Variants in MARK2 observed in about 807,000 individuals in gnomAD.
MARK2 encodes the protein microtubule affinity regulating kinase 2.
A neutral mutation model predicts 89.8 loss-of-function variants in MARK2; 16 were observed. The observed-to-expected ratio is 0.18, with a 90% CI of 0.12 to 0.27. The LOEUF is 0.27. Ranked by LOEUF, MARK2 falls within the 10% of genes least tolerant of loss-of-function variation. MARK2 has a pLI of 1.00. For synonymous variants in MARK2, 382 were observed against 399.5 expected, an observed-to-expected ratio of 0.96 and a Z score of 0.52; for missense variants, 621 against 1,049.9, an observed-to-expected ratio of 0.59 and a Z score of 5.65.
intron 1 of MARK2, among the ~76,000 whole-genome samples, chr11:63,846,745 T>A (rs1379130484): frequency 8.6e-5 from 13 of 150,644 alleles, no homozygotes; most frequent in African/African-American, 3.2e-4. Context: ...AAGGTCCGCC[T>A]CCCGGATTCA....
intron 1 of MARK2, among the ~76,000 whole-genome samples, chr11:63,857,131 C>T (rs1313058204): frequency 2.0e-5 from 3 of 150,456 alleles, no homozygotes; most frequent in East Asian, 2.0e-4. Context: ...AGTTTTTATA[C>T]TCATTTCCTT....
intron 1 of MARK2, among the ~76,000 whole-genome samples, chr11:63,886,656 T>G (rs192401667): frequency 2.6e-5 from 4 of 152,250 alleles, no homozygotes; most frequent in African/African-American, 9.6e-5. Context: ...ACTCCTGACC[T>G]CAAGTGATCC....
Position 63,890,288 on chromosome 11 carries a change from G to C in MARK2, c.55-4871G>C, listed in dbSNP as rs71454584. ...AACATCTTACAGCATAGAAGAAGGG[G>C]TGCAGGGGTAAGTAAGGGAAGGATT... On this transcript the variant is annotated intron_variant, in intron 1 of 18. Transcript: ENST00000402010. The C allele has an allele frequency of 5.9e-4, 791 of 1,344,784 alleles. 2 individuals carry two copies. Among genetic ancestry groups the C allele is most frequent in the Non-Finnish European group, 7.4e-4 (749 of 1,018,656 alleles). 83.3% of individuals were successfully genotyped at this position (1,344,784 alleles called of 1,614,324 possible).
chr11:63,864,789 T>A (rs1447569395), intron 1 of MARK2, among the ~76,000 whole-genome samples: 2 of 148,604 alleles, frequency 1.3e-5, no homozygotes, highest in African/African-American at 4.9e-5. Context: ...GGTGAGAGGA[T>A]CACTTGAGCC....
intron 1 of MARK2, among the ~76,000 whole-genome samples, chr11:63,886,992 C>T (rs1015161502): frequency 1.3e-5 from 2 of 152,206 alleles, no homozygotes; most frequent in African/African-American, 4.8e-5. Context: ...TCCAGTGGGC[C>T]CACTGAAGTC....
At chr11:63,854,552 A>T (rs1450515669) in intron 1 of MARK2, among the ~76,000 whole-genome samples, 1 of 151,706 alleles carries the variant, frequency 6.6e-6, no homozygotes, top group South Asian at 2.1e-4. Context: ...AGGTCTCTTT[A>T]GGCCAGGCAT....
In MARK2 at chr11:63,904,804, C is replaced by G; in HGVS notation, c.1695C>G (p.Val565=). 6.2e-7 allele frequency: 1 copy of G among 1,614,122 alleles called. No homozygotes were observed. The highest frequency in any genetic ancestry group is 8.5e-7 in the Non-Finnish European group (1 of 1,179,984). Residue 565 remains valine (V), a synonymous_variant, in exon 16 of 19, where the codon GTC becomes GTG. Transcript: ENST00000402010. The surrounding 1 kb of genome is among the most constrained non-coding windows in gnomAD (Gnocchi z 6.3). Reference sequence around the variant, plus strand: ...CCCACAGCACAGCCCCCCAGCGTGTCCCTGTTGCCTCCCCATCCGCCCACA... The same window carrying G: ...CCCACAGCACAGCCCCCCAGCGTGTGCCTGTTGCCTCCCCATCCGCCCACA... ...VPRPSTAPQR[V]PVASPSAHNI...
At chr11:63,880,955 T>G (rs1305297747) in intron 1 of MARK2, among the ~76,000 whole-genome samples, 1 of 152,182 alleles carries the variant, frequency 6.6e-6, no homozygotes, top group African/African-American at 2.4e-5. Flanking sequence ...TTGTGCACAT[T>G]TATTAATTCA....
In MARK2 at chr11:63,902,841, C is replaced by T. The variant is rs1304155874; in HGVS notation, c.1416+59C>T. ...TGCGGTGGGGCCTGCCCTCTCCAGG[C>T]AGCTCTTCTCTTAATTCAGACTCTG... On this transcript the variant is annotated intron_variant, in intron 13 of 18. Coordinates refer to ENST00000402010, the MANE Select transcript of MARK2 (RefSeq NM_001039469.3). The surrounding 1 kb of genome is among the most constrained non-coding windows in gnomAD (Gnocchi z 4.2). 2 of 1,389,936 alleles carry T rather than the reference C, an allele frequency of 1.4e-6. No individual in the cohort carries two copies. The highest frequency in any genetic ancestry group is 2.0e-6 in the Non-Finnish European group (2 of 989,954). The allele number at this position is 1,389,936 out of a possible 1,614,324, so 86.1% of individuals were successfully genotyped here. A position where few individuals can be genotyped will look rare whatever the true frequency, so the allele number is the denominator to read the frequency against.
In MARK2 at chr11:63,900,536, T is replaced by C. The variant is rs1212744766; in HGVS notation, c.769-23T>C. On this transcript the variant is annotated intron_variant, in intron 8 of 18. Transcript: ENST00000402010. This position sits in a 1 kb window ranked among gnomAD's most constrained non-coding sequence, Gnocchi z 4.7. ...TTTGGCCTTGGGGTGATTTCAATTT[T>C]CTAACCCTGGATCCTCCTGCAGGAG... 6.2e-7 allele frequency: 1 copy of C among 1,612,136 alleles called. No homozygotes were observed. The highest frequency in any genetic ancestry group is 1.1e-5 in the South Asian group (1 of 90,920).
In MARK2 at chr11:63,859,929, C is replaced by G. The variant is rs1478161735; in HGVS notation, c.54+20369C>G. ...ACAGTCATGAGCCACCACATCCGGC[C>G]TCTAACCCTTGTTTCTTAATGAAAC... On this transcript the variant is annotated intron_variant, in intron 1 of 18. Coordinates refer to ENST00000402010, the MANE Select transcript of MARK2 (RefSeq NM_001039469.3). 2.6e-5 allele frequency among the ~76,000 whole-genome samples: 4 copies of G among 152,212 alleles called. No homozygotes were observed. The East Asian group carries it at 5.8e-4, about 22-fold the overall frequency.
rs1554990116 is a variant in MARK2, at chr11:63,910,656, T to TTTA, written c.*1421_*1422insATT. 34 of 148,134 alleles carry TTTA rather than the reference T, an allele frequency of 2.3e-4. 4 individuals are homozygous for TTTA. Among genetic ancestry groups the TTTA allele is most frequent in the South Asian group, 2.1e-3 (10 of 4,722 alleles). The allele number at this position is 148,134 out of a possible 1,614,324, so 9.2% of individuals were successfully genotyped here. ...TATTTTTTATTATTTTATTTTATTTTTTTTTTTTTTGATTTATGATGACTC... is the reference window on the plus strand; with the variant it reads ...TATTTTTTATTATTTTATTTTATTTTTTATTTTTTTTTTGATTTATGATGACTC... On this transcript the variant is annotated 3_prime_UTR_variant, in exon 19 of 19. Coordinates refer to ENST00000402010, the MANE Select transcript of MARK2 (RefSeq NM_001039469.3).
chr11:63,890,176 A>G (rs775678091), intron 1 of MARK2: 4 of 1,205,224 alleles, frequency 3.3e-6, no homozygotes, highest in Non-Finnish European at 4.5e-6. Context: ...TCTGTTGGAG[A>G]CTCTCTCCTC....
chr11:63,892,292 C>A (rs1319669929), intron 1 of MARK2, among the ~76,000 whole-genome samples: 4 of 152,226 alleles, frequency 2.6e-5, no homozygotes, highest in African/African-American at 9.6e-5. Context: ...CACCAAAAGA[C>A]AGCCTGCAGC....
At chr11:63,870,222 G>A (rs771860761) in intron 1 of MARK2, among the ~76,000 whole-genome samples, 1 of 152,168 alleles carries the variant, frequency 6.6e-6, no homozygotes, top group Admixed American at 6.5e-5. Context: ...AGAGGCCCTA[G>A]GGAATGATGA....
intron 1 of MARK2, among the ~76,000 whole-genome samples, chr11:63,865,964 T>C (rs1226572896): frequency 1.3e-5 from 2 of 152,218 alleles, no homozygotes; most frequent in African/African-American, 2.4e-5. Context: ...TGGTGAATAA[T>C]GTCTCTTCTA....
intron 1 of MARK2, among the ~76,000 whole-genome samples, chr11:63,886,811 A>G (rs1939427291): frequency 6.6e-6 from 1 of 152,218 alleles, no homozygotes; most frequent in Non-Finnish European, 1.5e-5. Flanking sequence ...TCAGTTTACA[A>G]AATCCCTTAC....
At chr11:63,906,416 C>T (rs1452169904) in intron 17 of MARK2, among the ~76,000 whole-genome samples, 1 of 152,186 alleles carries the variant, frequency 6.6e-6, no homozygotes, top group Non-Finnish European at 1.5e-5. Context: ...TAACGCCTGT[C>T]CTCAAGTAAG....
chr11:63,901,209 T>C, intron 11 of MARK2, 140 bp downstream of exon 11: 1 of 651,698 alleles, frequency 1.5e-6, no homozygotes, highest in South Asian at 1.8e-5. Flanking sequence ...TCAGCTTTGG[T>C]GTCTAAGGTC....
Sources: allele counts gnomAD v4.1 joint callset (sites outside exome capture counted in the v4.1 genomes callset), GRCh38; gene constraint gnomAD v4.1.1; non-coding constraint Gnocchi (gnomAD v3.1); transcripts MANE v1.5; gene names NCBI Gene and HGNC (gene_info 2026-07-23, HGNC 2026-07-21).